Variants in BOP1 observed in about 807,000 individuals in gnomAD.
BOP1 encodes BOP1 ribosomal biogenesis factor, also known as ribosome biogenesis protein BOP1.
Under a neutral mutation model 82.9 loss-of-function variants are expected in BOP1, and 54 were observed. The ratio of observed to expected loss-of-function variants is 0.65; its 90% CI spans 0.52 to 0.82. The LOEUF (loss-of-function observed/expected upper bound fraction) is 0.82, where lower values mean the gene tolerates loss of function less well. Among genes scored for constraint, BOP1 ranks in the 40% least tolerant of loss-of-function variants. The probability of loss-of-function intolerance (pLI) is 0.00; values close to 1 mark genes in which losing one functional copy is unlikely to be tolerated. For synonymous variants in BOP1, 566 were observed against 451.1 expected (o/e 1.25, Z -3.23); for missense variants, 1,170 against 1,072.0 (o/e 1.09, Z -1.28).
chr8:144,290,523 G>A (rs2130280339), intron 1 of BOP1, among the ~76,000 whole-genome samples: 1 of 152,338 alleles, frequency 6.6e-6, no homozygotes, highest in Admixed American at 6.5e-5. Context: ...GAGTCATGAT[G>A]TGTCTTGGTA....
chr8:144,284,242 G>A (rs1814803645), intron 2 of BOP1, among the ~76,000 whole-genome samples: 10 of 152,204 alleles, frequency 6.6e-5, no homozygotes, highest in Admixed American at 6.5e-4. Context: ...AGATTTTGGT[G>A]AGCCAACATC....
Position 144,263,753 on chromosome 8 carries a change from C to A in BOP1, c.1230G>T (p.Arg410Ser). The change falls in exon 10 of 16, where the codon AGG becomes AGT. Residue 410 changes from arginine (R) to serine (S), a missense_variant. By Grantham distance (110) the Arg-to-Ser change is moderately radical. Coordinates refer to ENST00000569669, the MANE Select transcript of BOP1 (RefSeq NM_015201.5). Reference protein sequence around the residue: ...PFPTCQALVYRGHSDLVRCLS... With the variant: ...PFPTCQALVYSGHSDLVRCLS... ...GGCACCGGACAAGGTCACTGTGGCCCCTGTAGACCTGAGGAGGCGGCGGCA... is the reference window on the plus strand; with the variant it reads ...GGCACCGGACAAGGTCACTGTGGCCACTGTAGACCTGAGGAGGCGGCGGCA... 1 of 1,581,870 alleles carries A rather than the reference C, an allele frequency of 6.3e-7. No homozygotes were observed. The highest frequency in any genetic ancestry group is 2.3e-5 in the East Asian group (1 of 43,536).
At chr8:144,266,796 CG>C in intron 3 of BOP1, 1 of 1,103,928 alleles carries the variant, frequency 9.1e-7, no homozygotes, top group Non-Finnish European at 1.1e-6. Flanking sequence ...GCCGGCGGGC[CG>C]GGGGCGGGGG....
In BOP1 at chr8:144,263,313, G is replaced by A. The variant is rs1554836796; in HGVS notation, c.1513C>T (p.Pro505Ser). 15 of 1,594,060 alleles carry A rather than the reference G, an allele frequency of 9.4e-6. No individual in the cohort carries two copies. The highest frequency in any genetic ancestry group is 1.3e-5 in the Non-Finnish European group (15 of 1,178,830). ...TDQLLSAFVP[P>S]EEPPLQPARW... ...GCCGGCTGCAAGGGGGGCTCCTCAG[G>A]CGGGACGAAGGCGCTCAACAGCTGA... The change falls in exon 12 of 16, where the codon CCT becomes TCT. Residue 505 changes from proline to serine, a missense_variant. By Grantham distance (74) the Pro-to-Ser change is moderately conservative (BLOSUM62 -1). Coordinates refer to ENST00000569669, the MANE Select transcript of BOP1 (RefSeq NM_015201.5).
chr8:144,281,031 T>C, intron 2 of BOP1, among the ~76,000 whole-genome samples: 1 of 146,152 alleles, frequency 6.8e-6, no homozygotes. Flanking sequence ...TTCTCTCACT[T>C]TAATACCAGG....
Position 144,291,345 on chromosome 8 carries a change from C to G in BOP1, c.26G>C (p.Arg9Pro), listed in dbSNP as rs1815067933. Reference protein sequence around the residue: MAGSRGAGRTAAPSVRPEK... With the variant: MAGSRGAGPTAAPSVRPEK... ...CGGCCGCACGCTCGGCGCCGCCGTG[C>G]GCCCCGCACCCCGCGAACCCGCCAT... The change falls in exon 1 of 16, where the codon CGC becomes CCC. Residue 9 changes from arginine to proline, a missense_variant. Transcript: ENST00000569669. This position sits in a 1 kb window ranked among gnomAD's most constrained non-coding sequence, Gnocchi z 4.1. 5 of 1,386,920 alleles carry G rather than the reference C, an allele frequency of 3.6e-6. No homozygotes were observed. The highest frequency in any genetic ancestry group is 2.8e-5 in the Admixed American group (1 of 35,642). The allele number at this position is 1,386,920 out of a possible 1,614,324, so 85.9% of individuals were successfully genotyped here.
At chr8:144,269,821 C>G (rs750526030) in intron 3 of BOP1, among the ~76,000 whole-genome samples, 1 of 152,204 alleles carries the variant, frequency 6.6e-6, no homozygotes, top group Non-Finnish European at 1.5e-5. Flanking sequence ...CTCACACCCC[C>G]GCCCCGCCAC....
At position 144,269,688 on chromosome 8, in the gene BOP1, G is replaced by A. The variant is rs892073848; in HGVS notation, c.391-4617C>T. Among the ~76,000 whole-genome samples the A allele has an allele frequency of 3.3e-5, 5 of 152,346 alleles. No homozygotes were observed. The East Asian group carries it at 9.6e-4, about 29-fold the overall frequency. ...TGCAGGAGCCCACAGCTGGCCAGAGGGAGGGGAGGAGAGGACAAGCTCAGT... is the reference window on the plus strand; with the variant it reads ...TGCAGGAGCCCACAGCTGGCCAGAGAGAGGGGAGGAGAGGACAAGCTCAGT... On this transcript the variant is annotated intron_variant, in intron 3 of 15. Coordinates refer to ENST00000569669, the MANE Select transcript of BOP1 (RefSeq NM_015201.5).
At chr8:144,268,198 G>C (rs1845425034) in intron 3 of BOP1, 1 of 1,547,842 alleles carries the variant, frequency 6.5e-7, no homozygotes. Context: ...GGACGCCCGG[G>C]GTGACTGCAG....
intron 1 of BOP1, among the ~76,000 whole-genome samples, chr8:144,290,571 G>A (rs1400683659): frequency 2.0e-5 from 3 of 152,224 alleles, no homozygotes; most frequent in African/African-American, 7.2e-5. Context: ...TAGTGGAAAT[G>A]GCATCCGTGG....
At chr8:144,281,093 A>C (rs111239986) in intron 2 of BOP1, among the ~76,000 whole-genome samples, 5,754 of 74,456 alleles carry the variant, frequency 0.077, 1,256 homozygotes, top group East Asian at 0.23. Flanking sequence ...CTCTCACTTT[A>C]ATACCAGGTC....
chr8:144,271,606 A>C (rs1588596014), intron 3 of BOP1, among the ~76,000 whole-genome samples: 2 of 152,230 alleles, frequency 1.3e-5, no homozygotes, highest in South Asian at 2.1e-4. Context: ...GCTCAGGGCA[A>C]GGCCAGGGCG....
At chr8:144,279,833 G>A (rs1303406646) in intron 2 of BOP1, among the ~76,000 whole-genome samples, 3 of 152,142 alleles carry the variant, frequency 2.0e-5, no homozygotes, top group Non-Finnish European at 4.4e-5. Flanking sequence ...AGCCCTGGGA[G>A]AGGGGACAGC....
In BOP1 at chr8:144,291,366, G is replaced by T; in HGVS notation, c.5C>A (p.Ala2Glu). The T allele has an allele frequency of 1.6e-6, 2 of 1,242,406 alleles. No homozygotes were observed. The highest frequency in any genetic ancestry group is 2.0e-6 in the Non-Finnish European group (2 of 995,682). The allele number at this position is 1,242,406 out of a possible 1,614,324, so 77.0% of individuals were successfully genotyped here. Residue 2 changes from alanine to glutamate, a missense_variant, in exon 1 of 16, where the codon GCG becomes GAG. Ala to Glu is a moderately radical substitution (Grantham distance 107). Coordinates refer to ENST00000569669, the MANE Select transcript of BOP1 (RefSeq NM_015201.5). The surrounding 1 kb of genome is among the most constrained non-coding windows in gnomAD (Gnocchi z 4.1). ...CGTGCGCCCCGCACCCCGCGAACCC[G>T]CCATGCCCCACCGCGCGCCGGCCGC... is the stretch of plus-strand genomic sequence containing the variant. The part of the protein sequence containing the change: M[A>E]GSRGAGRTAA...
chr8:144,270,329 T>C (rs1002538102), intron 3 of BOP1, among the ~76,000 whole-genome samples: 1 of 152,082 alleles, frequency 6.6e-6, no homozygotes, highest in African/African-American at 2.4e-5. Flanking sequence ...CCCCGTGGAC[T>C]GGGGTCAGAG....
At position 144,262,137 on chromosome 8, in the gene BOP1, C is replaced by T. The variant is rs1845197062; in HGVS notation, c.*27G>A. 2 of 1,611,478 alleles carry T rather than the reference C, an allele frequency of 1.2e-6. No individual in the cohort carries two copies. Among genetic ancestry groups the T allele is most frequent in the South Asian group, 1.1e-5 (1 of 91,016 alleles). On this transcript the variant is annotated 3_prime_UTR_variant, in exon 16 of 16. Transcript: ENST00000569669. ...AAGGCTCTGTTGACTTCAGCACGAC[C>T]ACCCCAGCCCCAGGCAGGCAGAACA...
At chr8:144,276,135 A>G in intron 3 of BOP1, 89 bp downstream of exon 3, 1 of 1,498,120 alleles carries the variant, frequency 6.7e-7, no homozygotes, top group Non-Finnish European at 9.2e-7. Context: ...CAGCACCCCC[A>G]GGGCAACCCC....
intron 2 of BOP1, among the ~76,000 whole-genome samples, chr8:144,281,495 TTGG>T (rs1845679480): frequency 3.4e-3 from 36 of 10,724 alleles, no homozygotes; most frequent in African/African-American, 5.4e-3. Context: ...TACCAGGTCT[TTGG>T]CCTTCCCTCA....
intron 2 of BOP1, among the ~76,000 whole-genome samples, chr8:144,287,049 A>G (rs1441216664): frequency 1.3e-5 from 2 of 152,218 alleles, no homozygotes; most frequent in Non-Finnish European, 2.9e-5. Flanking sequence ...TCACTCTGTC[A>G]CCCAGACTGG....
Sources: allele counts gnomAD v4.1 joint callset (sites outside exome capture counted in the v4.1 genomes callset), GRCh38; gene constraint gnomAD v4.1.1; non-coding constraint Gnocchi (gnomAD v3.1); transcripts MANE v1.5; gene names NCBI Gene and HGNC (gene_info 2026-07-23, HGNC 2026-07-21).